The following ACBD3 variants were observed in gnomAD, a reference collection of about 807,000 sequenced individuals.
The protein encoded by ACBD3 is acyl-CoA binding domain containing 3.
In ACBD3, 30 loss-of-function variants were observed where a neutral mutation model predicts 66.9. The ratio of observed to expected loss-of-function variants is 0.45; its 90% CI spans 0.34 to 0.61. The LOEUF is 0.61. Ranked by LOEUF, ACBD3 falls within the 20% of genes least tolerant of loss-of-function variation. The pLI is 0.02. For missense variants in ACBD3, 544 were observed against 664.5 expected (o/e 0.82, Z 1.99); for synonymous variants, 278 against 259.8 (o/e 1.07, Z -0.68).
At chr1:226,181,953 G>T (rs1038322761) in intron 1 of ACBD3, among the ~76,000 whole-genome samples, 1 of 152,156 alleles carries the variant, frequency 6.6e-6, no homozygotes, top group Non-Finnish European at 1.5e-5. Flanking sequence ...AACTCTGGCC[G>T]GGCGTGGTAG....
intron 1 of ACBD3, among the ~76,000 whole-genome samples, chr1:226,170,333 A>ATTTTTTT (rs71574563): frequency 6.4e-5 from 7 of 109,838 alleles, no homozygotes; most frequent in Non-Finnish European, 6.9e-5. Context: ...AATTTTTTGA[A>ATTTTTTT]TTTTTTTTTT....
Position 226,164,783 on chromosome 1 carries a change from C to T in ACBD3, c.569+6G>A. 1 of 1,607,194 alleles carries T rather than the reference C, an allele frequency of 6.2e-7. No individual in the cohort carries two copies. The highest frequency in any genetic ancestry group is 8.5e-7 in the Non-Finnish European group (1 of 1,176,956). ...CAATAAAGTATTCCATGCCCTCAAA[C>T]TTCACCTTTTTTTTTCTTGCTCTTC... On this transcript the variant is annotated splice_donor_region_variant and intron_variant, in intron 3 of 7. Coordinates refer to ENST00000366812, the MANE Select transcript of ACBD3 (RefSeq NM_022735.4).
intron 2 of ACBD3, 102 bp from the exon 3 acceptor site, chr1:226,165,031 A>AT: frequency 3.1e-6 from 4 of 1,278,928 alleles, no homozygotes; most frequent in Non-Finnish European, 4.2e-6. Flanking sequence ...AGTAAAATGA[A>AT]TGATTCTATT....
At chr1:226,168,672 T>C (rs1659918793) in intron 1 of ACBD3, among the ~76,000 whole-genome samples, 3 of 152,200 alleles carry the variant, frequency 2.0e-5, no homozygotes, top group Non-Finnish European at 2.9e-5. Flanking sequence ...AACTCAAGTA[T>C]TTACGATGAT....
intron 1 of ACBD3, 117 bp from the exon 2 acceptor site, chr1:226,166,117 A>G: frequency 8.7e-7 from 1 of 1,145,514 alleles, no homozygotes. Flanking sequence ...AATAGACACA[A>G]ACACTAATAG....
At chr1:226,184,508 T>A (rs1656248599) in intron 1 of ACBD3, among the ~76,000 whole-genome samples, 1 of 152,178 alleles carries the variant, frequency 6.6e-6, no homozygotes. Flanking sequence ...AAGACACATG[T>A]TAAAATAATC....
chr1:226,161,431 T>C, intron 4 of ACBD3, 100 bp downstream of exon 4: 2 of 1,532,864 alleles, frequency 1.3e-6, no homozygotes, highest in South Asian at 1.2e-5. Context: ...GTGCTGGGAT[T>C]ACAGGCGTGA....
At chr1:226,163,069 G>C (rs1245399940) in intron 3 of ACBD3, among the ~76,000 whole-genome samples, 1 of 152,032 alleles carries the variant, frequency 6.6e-6, no homozygotes, top group African/African-American at 2.4e-5. Flanking sequence ...CCCAAGTGCT[G>C]AGATTACAGA....
chr1:226,166,648 T>C (rs1659883998), intron 1 of ACBD3, among the ~76,000 whole-genome samples: 1 of 151,300 alleles, frequency 6.6e-6, no homozygotes, highest in Non-Finnish European at 1.5e-5. Context: ...CCATCATACG[T>C]GGAAAATGTT....
At chr1:226,177,499 C>A (rs982955818) in intron 1 of ACBD3, among the ~76,000 whole-genome samples, 1 of 151,256 alleles carries the variant, frequency 6.6e-6, no homozygotes, top group Admixed American at 6.6e-5. Flanking sequence ...CCCAGCCCCA[C>A]GTAGCTGTTT....
rs770289616 is a variant in ACBD3 at position 226,161,553 on chromosome 1, TTTC to T, written c.703_705del (p.Glu235del). ...TACTTTTGCTGCTCCAACCGAAGCCTTTCTTCTTCTATCCGTCTCCTTTCCTCT... is the reference window on the plus strand; with the variant it reads ...TACTTTTGCTGCTCCAACCGAAGCCTTTCTTCTATCCGTCTCCTTTCCTCT... On this transcript the variant is annotated inframe_deletion, in exon 4 of 8. Coordinates refer to ENST00000366812, the MANE Select transcript of ACBD3 (RefSeq NM_022735.4). 1.8e-5 allele frequency: 29 copies of T among 1,613,850 alleles called. No individual in the cohort carries two copies. The highest frequency in any genetic ancestry group is 2.2e-5 in the Non-Finnish European group (26 of 1,180,010).
At chr1:226,157,553 T>G (rs898105009) in intron 5 of ACBD3, among the ~76,000 whole-genome samples, 13 of 151,998 alleles carry the variant, frequency 8.6e-5, no homozygotes, top group African/African-American at 3.1e-4. Flanking sequence ...GCTTTTTTTT[T>G]CCTCGAGACA....
At position 226,146,545 on chromosome 1, in the gene ACBD3, A is replaced by G; in HGVS notation, c.*65T>C. On this transcript the variant is annotated 3_prime_UTR_variant, in exon 8 of 8. Transcript: ENST00000366812. ...ACTCTAATGCTCCACAAAAGTAAAA[A>G]GAAATTTCCAAATTAAATGTCATCT... 7.0e-7 allele frequency: 1 copy of G among 1,425,342 alleles called. No homozygotes were observed. The highest frequency in any genetic ancestry group is 9.8e-7 in the Non-Finnish European group (1 of 1,021,832). 88.3% of individuals were successfully genotyped at this position (1,425,342 alleles called of 1,614,324 possible).
At chr1:226,181,457 C>T (rs1281077249) in intron 1 of ACBD3, among the ~76,000 whole-genome samples, 1 of 151,884 alleles carries the variant, frequency 6.6e-6, no homozygotes, top group Non-Finnish European at 1.5e-5. Context: ...ACATATAATA[C>T]TCTACTATCA....
chr1:226,166,029 A>C, intron 1 of ACBD3, 29 bp from the exon 2 acceptor site: 3 of 1,592,730 alleles, frequency 1.9e-6, no homozygotes, highest in South Asian at 1.2e-5. Context: ...CAAAGAAAAC[A>C]ATTAGCACAG....
chr1:226,157,136 G>A (rs544282176), intron 5 of ACBD3, among the ~76,000 whole-genome samples: 144 of 152,122 alleles, frequency 9.5e-4, no homozygotes, highest in African/African-American at 3.3e-3. Flanking sequence ...TATTTTATAG[G>A]AGTAAAGTTC....
rs549868270 is a variant in ACBD3 at position 226,183,429 on chromosome 1, G to A, written c.286+2961C>T. Among the ~76,000 whole-genome samples the A allele has an allele frequency of 1.8e-4, 27 of 152,104 alleles. No individual in the cohort carries two copies. The South Asian group carries it at 5.4e-3, about 30-fold the overall frequency. On this transcript the variant is annotated intron_variant, in intron 1 of 7. Transcript: ENST00000366812. ...GATCTCCTGACCTTGTGATCCACCC[G>A]CCTCGGCCTCCCAAAGTGCTGGGAT...
Position 226,146,547 on chromosome 1 carries a change from A to G in ACBD3, c.*63T>C, listed in dbSNP as rs1659455040. On this transcript the variant is annotated 3_prime_UTR_variant, in exon 8 of 8. Transcript: ENST00000366812. ...TCTAATGCTCCACAAAAGTAAAAAG[A>G]AATTTCCAAATTAAATGTCATCTTC... 1 of 1,441,630 alleles carries G rather than the reference A, an allele frequency of 6.9e-7. No homozygotes were observed. The highest frequency in any genetic ancestry group is 1.4e-5 in the African/African-American group (1 of 70,792). The allele number at this position is 1,441,630 out of a possible 1,614,324, so 89.3% of individuals were successfully genotyped here.
At chr1:226,163,459 C>G (rs1659808368) in intron 3 of ACBD3, among the ~76,000 whole-genome samples, 1 of 151,966 alleles carries the variant, frequency 6.6e-6, no homozygotes, top group South Asian at 2.1e-4. Flanking sequence ...TTAAAGAAAT[C>G]TCATTCTTTT....
Sources: gnomAD v4.1 joint callset for allele counts (sites outside exome capture counted in the v4.1 genomes callset) on GRCh38, gnomAD v4.1.1 for gene constraint, MANE v1.5 for transcripts, NCBI Gene and HGNC (gene_info 2026-07-23, HGNC 2026-07-21) for gene names.